The following VEZT variants were observed in gnomAD, a reference collection of about 807,000 sequenced individuals.
The protein encoded by VEZT is vezatin.
A neutral mutation model predicts 79.9 loss-of-function variants in VEZT; 39 were observed. The ratio of observed to expected loss-of-function variants is 0.49; its 90% confidence interval spans 0.38 to 0.64. The LOEUF (loss-of-function observed/expected upper bound fraction) is 0.64. Ranked by LOEUF, VEZT falls within the 30% of genes least tolerant of loss-of-function variation. The pLI is 0.00. For missense variants in VEZT, 837 were observed against 893.1 expected (o/e 0.94, Z 0.80); for synonymous variants, 325 against 327.6 (o/e 0.99, Z 0.09).
chr12:95,293,320 A>G (rs937321817), intron 9 of VEZT, among the ~76,000 whole-genome samples: 17 of 152,178 alleles, frequency 1.1e-4, no homozygotes, highest in African/African-American at 3.9e-4. Context: ...TTTTTGTAAC[A>G]TTTCCCAAAT....
At chr12:95,233,134 A>T (rs1290001443) in intron 1 of VEZT, among the ~76,000 whole-genome samples, 1 of 151,796 alleles carries the variant, frequency 6.6e-6, no homozygotes, top group Non-Finnish European at 1.5e-5. Flanking sequence ...GGGAAAGTGT[A>T]TTGGCTCATT....
intron 1 of VEZT, among the ~76,000 whole-genome samples, chr12:95,240,988 C>A (rs1313784966): frequency 1.3e-5 from 2 of 152,034 alleles, no homozygotes; most frequent in Non-Finnish European, 2.9e-5. Context: ...ACACTAGATA[C>A]CAGTAGCGCT....
In VEZT at chr12:95,287,793, C is replaced by A. The variant is rs754742583; in HGVS notation, c.1458C>A (p.Asn486Lys). The A allele has an allele frequency of 1.2e-6, 2 of 1,608,502 alleles. No homozygotes were observed. Among genetic ancestry groups the A allele is most frequent in the East Asian group, 2.2e-5 (1 of 44,760 alleles). Residue 486 changes from asparagine to lysine, a missense_variant, in exon 9 of 12, where the codon AAC (asparagine) becomes AAA (lysine). Coordinates refer to ENST00000436874, the MANE Select transcript of VEZT (RefSeq NM_017599.4). Reference protein sequence around the residue: ...KLIQPHVQASNNCWEEAISQV... With the variant: ...KLIQPHVQASKNCWEEAISQV... Reference sequence around the variant, plus strand: ...TTCAGCCCCACGTTCAAGCAAGCAACAATTGCTGGGAAGAGGCCATTTCTC... The same window carrying A: ...TTCAGCCCCACGTTCAAGCAAGCAAAAATTGCTGGGAAGAGGCCATTTCTC...
At chr12:95,253,567 A>C (rs1020475206) in intron 2 of VEZT, among the ~76,000 whole-genome samples, 1 of 152,246 alleles carries the variant, frequency 6.6e-6, no homozygotes, top group Admixed American at 6.5e-5. Context: ...ACTTGGCAAC[A>C]CAAAACAAAG....
chr12:95,249,492 A>T (rs2062182817), intron 1 of VEZT, among the ~76,000 whole-genome samples: 1 of 152,208 alleles, frequency 6.6e-6, no homozygotes, highest in African/African-American at 2.4e-5. Context: ...CAGAAATTTT[A>T]AATCTGGTAG....
intron 1 of VEZT, among the ~76,000 whole-genome samples, chr12:95,232,409 T>C (rs1358182477): frequency 6.6e-6 from 1 of 152,236 alleles, no homozygotes; most frequent in Non-Finnish European, 1.5e-5. Context: ...AAAAGTTACG[T>C]ATAACTTGGT....
At chr12:95,230,478 T>C (rs1475978117) in intron 1 of VEZT, among the ~76,000 whole-genome samples, 1 of 151,308 alleles carries the variant, frequency 6.6e-6, no homozygotes, top group East Asian at 1.9e-4. Context: ...GTGCAAGTAT[T>C]GCAATCATAG....
At chr12:95,229,378 A>T (rs943734459) in intron 1 of VEZT, among the ~76,000 whole-genome samples, 3 of 152,144 alleles carry the variant, frequency 2.0e-5, no homozygotes, top group African/African-American at 7.2e-5. Context: ...TCATTTTTTT[A>T]AAAGCATTGT....
At chr12:95,219,892 T>G (rs2057313871) in intron 1 of VEZT, among the ~76,000 whole-genome samples, 1 of 152,250 alleles carries the variant, frequency 6.6e-6, no homozygotes, top group Non-Finnish European at 1.5e-5. Flanking sequence ...TTAGCTATTT[T>G]TATTTCTTTG....
intron 8 of VEZT, 124 bp downstream of exon 8, chr12:95,282,768 G>A: frequency 1.4e-6 from 1 of 694,468 alleles, no homozygotes; most frequent in Non-Finnish European, 2.3e-6. Context: ...TGAGCATGAA[G>A]GGTGATTTAT....
In VEZT at chr12:95,270,172, C is replaced by G; in HGVS notation, c.832C>G (p.Leu278Val). 7 of 1,604,988 alleles carry G rather than the reference C, an allele frequency of 4.4e-6. No homozygotes were observed. The highest frequency in any genetic ancestry group is 6.0e-6 in the Non-Finnish European group (7 of 1,176,316). ...CTTCCAAGCAGCAAGGCTAGCTACC[C>G]TATATATGCTGAAAAAATATCCTTT... ...ANFQAARLAT[L>V]YMLKNYPLNS... Residue 278 changes from leucine to valine, a missense_variant, in exon 6 of 12, where the codon CTA becomes GTA. Physicochemically the swap from Leu to Val is conservative, Grantham distance 32. Transcript: ENST00000436874.
chr12:95,245,102 C>T (rs1286873115), intron 1 of VEZT, among the ~76,000 whole-genome samples: 1 of 152,018 alleles, frequency 6.6e-6, no homozygotes, highest in Non-Finnish European at 1.5e-5. Flanking sequence ...GGTGTAGTAG[C>T]GCATGCCTGT....
intron 2 of VEZT, among the ~76,000 whole-genome samples, chr12:95,253,166 A>G (rs556439257): frequency 6.6e-6 from 1 of 152,326 alleles, no homozygotes; most frequent in South Asian, 2.1e-4. Context: ...AATTTAATAG[A>G]AAAAACATAA....
At position 95,300,246 on chromosome 12, in the gene VEZT, A is replaced by G. The variant is rs1420492083; in HGVS notation, c.1913A>G (p.Lys638Arg). ...SEPSMNSDMG[K>R]VSKNDTEEES... ...CCATCAATGAATTCAGATATGGGAA[A>G]AGTCAGTAAAAATGATACTGAAGAG... is the stretch of plus-strand genomic sequence containing the variant. The change falls in exon 12 of 12, where the codon AAA becomes AGA. Residue 638 changes from lysine to arginine, a missense_variant. Transcript: ENST00000436874. The G allele has an allele frequency of 6.3e-7, 1 of 1,575,664 alleles. No individual in the cohort carries two copies. Among genetic ancestry groups the G allele is most frequent in the East Asian group, 2.3e-5 (1 of 43,208 alleles).
chr12:95,221,939 A>G (rs1389399725), intron 1 of VEZT, among the ~76,000 whole-genome samples: 1 of 152,244 alleles, frequency 6.6e-6, no homozygotes, highest in Non-Finnish European at 1.5e-5. Context: ...ATTAGGTATT[A>G]CAAATAATCT....
chr12:95,252,693 G>A (rs1447960075), intron 2 of VEZT, among the ~76,000 whole-genome samples: 6 of 152,154 alleles, frequency 3.9e-5, no homozygotes, highest in Non-Finnish European at 4.4e-5. Context: ...GGCCAGGCGC[G>A]GTGGCTCACG....
At chr12:95,294,114 T>G in intron 9 of VEZT, 158 bp from the exon 10 acceptor site, 1 of 551,548 alleles carries the variant, frequency 1.8e-6, no homozygotes, top group Non-Finnish European at 3.2e-6. Context: ...GTTGAACTCC[T>G]GGGCTCAAGC....
intron 2 of VEZT, among the ~76,000 whole-genome samples, chr12:95,252,825 C>T (rs560973193): frequency 8.5e-4 from 129 of 152,230 alleles, no homozygotes; most frequent in African/African-American, 2.5e-3. Context: ...ATTAGCTGGG[C>T]GTGGTGGCGG....
At chr12:95,247,456 G>A (rs1435338758) in intron 1 of VEZT, among the ~76,000 whole-genome samples, 1 of 151,994 alleles carries the variant, frequency 6.6e-6, no homozygotes, top group Non-Finnish European at 1.5e-5. Flanking sequence ...AAAACAATCT[G>A]TTCTTCTCAA....
Sources: gnomAD v4.1 joint callset for allele counts (sites outside exome capture counted in the v4.1 genomes callset) on GRCh38, gnomAD v4.1.1 for gene constraint, MANE v1.5 for transcripts, NCBI Gene and HGNC (gene_info 2026-07-23, HGNC 2026-07-21) for gene names.